FAM219A: variants seen among roughly 807,000 people sequenced by gnomAD.
The protein encoded by FAM219A is protein FAM219A.
A neutral mutation model predicts 23.4 loss-of-function variants in FAM219A; 7 were observed. The observed-to-expected ratio is 0.30, with a 90% CI of 0.17 to 0.56. The LOEUF (loss-of-function observed/expected upper bound fraction) is 0.56. Ranked by LOEUF, FAM219A falls within the 20% of genes least tolerant of loss-of-function variation. The pLI, the probability that FAM219A is intolerant of heterozygous loss-of-function variation, is 0.92. For synonymous variants in FAM219A, 93 were observed against 99.0 expected (o/e 0.94, Z 0.36); for missense variants, 166 against 246.9 (o/e 0.67, Z 2.20).
chr9:34,413,275 T>C (rs1398275801), intron 1 of FAM219A, among the ~76,000 whole-genome samples: 3 of 151,732 alleles, frequency 2.0e-5, no homozygotes, highest in Non-Finnish European at 4.4e-5. Flanking sequence ...AACTCATTAG[T>C]AAAAGGAAAA....
chr9:34,441,499 T>G (rs951247335), intron 1 of FAM219A, among the ~76,000 whole-genome samples: 2 of 152,154 alleles, frequency 1.3e-5, no homozygotes, highest in Non-Finnish European at 1.5e-5. Flanking sequence ...CAGGGCTATC[T>G]TGGGCTGATA....
intron 4 of FAM219A, 127 bp from the exon 5 acceptor site, chr9:34,401,847 C>T (rs1044741756): frequency 1.2e-5 from 12 of 1,020,784 alleles, no homozygotes; most frequent in South Asian, 3.0e-5. Flanking sequence ...AATCTCAATA[C>T]GAACTGTGCT....
At chr9:34,424,763 GGC>G (rs1822396817) in intron 1 of FAM219A, among the ~76,000 whole-genome samples, 1 of 152,188 alleles carries the variant, frequency 6.6e-6, no homozygotes, top group South Asian at 2.1e-4. Flanking sequence ...TCCAGAGGGA[GGC>G]TCAACCATGG....
Position 34,398,724 on chromosome 9 carries a change from C to T in FAM219A, c.*2240G>A, listed in dbSNP as rs911713834. Reference sequence around the variant, plus strand: ...GGTACCCATGTTCTAGAAAGGTGAGCCAAGGAGCCCCGGGGTGGTGGTGGT... The same window carrying T: ...GGTACCCATGTTCTAGAAAGGTGAGTCAAGGAGCCCCGGGGTGGTGGTGGT... On this transcript the variant is annotated 3_prime_UTR_variant, in exon 6 of 6. Transcript: ENST00000651358. 1 of 237,954 alleles carries T rather than the reference C, an allele frequency of 4.2e-6. No homozygotes were observed. The highest frequency in any genetic ancestry group is 8.7e-5 in the East Asian group (1 of 11,482). The allele number at this position is 237,954 out of a possible 1,614,324, so 14.7% of individuals were successfully genotyped here.
At chr9:34,441,943 C>CT (rs1823189702) in intron 1 of FAM219A, among the ~76,000 whole-genome samples, 5 of 152,070 alleles carry the variant, frequency 3.3e-5, no homozygotes, top group Non-Finnish European at 7.4e-5. Context: ...AGACTGGTTT[C>CT]GAACTCCTGG....
chr9:34,448,841 A>C (rs1215907428), intron 1 of FAM219A, among the ~76,000 whole-genome samples: 1 of 152,146 alleles, frequency 6.6e-6, no homozygotes, highest in African/African-American at 2.4e-5. Flanking sequence ...CTGGGGACTC[A>C]CAGGGGAAGG....
chr9:34,436,913 T>C (rs1364054462), intron 1 of FAM219A, among the ~76,000 whole-genome samples: 1 of 152,244 alleles, frequency 6.6e-6, no homozygotes, highest in Admixed American at 6.5e-5. Flanking sequence ...ATGCCTGGCA[T>C]GAACAACAAA....
chr9:34,424,778 C>T (rs1051129180), intron 1 of FAM219A, among the ~76,000 whole-genome samples: 1 of 152,184 alleles, frequency 6.6e-6, no homozygotes, highest in Non-Finnish European at 1.5e-5. Context: ...AACCATGGAA[C>T]CTATACTCTG....
chr9:34,401,590 A>G (rs1821432978), intron 5 of FAM219A, 76 bp downstream of exon 5: 1 of 1,523,756 alleles, frequency 6.6e-7, no homozygotes, highest in Non-Finnish European at 9.0e-7. Flanking sequence ...GTACTTGGGC[A>G]TTGGCCCCAG....
chr9:34,451,117 C>G (rs568871219), intron 1 of FAM219A, among the ~76,000 whole-genome samples: 1 of 152,190 alleles, frequency 6.6e-6, no homozygotes, highest in Non-Finnish European at 1.5e-5. Flanking sequence ...CTCCTGCGGG[C>G]ATGTGTCTAC....
rs1821353868 is a variant in FAM219A, at chr9:34,399,739, G to A, written c.*1225C>T. ...TTCTAGTTGAGGAAACTGAAGACGAGAGAAAGCAAGTGGCTTGTTGAAGAT... is the reference window on the plus strand; with the variant it reads ...TTCTAGTTGAGGAAACTGAAGACGAAAGAAAGCAAGTGGCTTGTTGAAGAT... On this transcript the variant is annotated 3_prime_UTR_variant, in exon 6 of 6. Coordinates refer to ENST00000651358, the MANE Select transcript of FAM219A (RefSeq NM_001184940.2). 6.6e-6 allele frequency: 1 copy of A among 152,230 alleles called. No homozygotes were observed. The highest frequency in any genetic ancestry group is 1.5e-5 in the Non-Finnish European group (1 of 68,042). 9.4% of individuals were successfully genotyped at this position (152,230 alleles called of 1,614,324 possible). A position where few individuals can be genotyped will look rare whatever the true frequency, so the allele number is the denominator to read the frequency against.
chr9:34,410,990 C>T (rs1821800060), intron 1 of FAM219A, among the ~76,000 whole-genome samples: 1 of 152,170 alleles, frequency 6.6e-6, no homozygotes, highest in African/African-American at 2.4e-5. Flanking sequence ...TCCATGTTAA[C>T]TGTAAAGATA....
chr9:34,429,152 C>G (rs1275349237), intron 1 of FAM219A, among the ~76,000 whole-genome samples: 1 of 152,182 alleles, frequency 6.6e-6, no homozygotes, highest in South Asian at 2.1e-4. Flanking sequence ...CTGGTTGGCA[C>G]TAGAAGAGGG....
chr9:34,398,245 G>T lies in FAM219A; in HGVS notation c.*2719C>A. On this transcript the variant is annotated 3_prime_UTR_variant, in exon 6 of 6. Transcript: ENST00000651358. ...TACACGATACACAACCAAGGATGAT[G>T]GTCAATACTGCAATGAAAATGTTAA... The T allele has an allele frequency of 6.5e-7, 1 of 1,544,916 alleles. No individual in the cohort carries two copies. The highest frequency in any genetic ancestry group is 1.2e-5 in the South Asian group (1 of 83,896).
At chr9:34,425,183 T>C (rs1822411741) in intron 1 of FAM219A, among the ~76,000 whole-genome samples, 1 of 152,152 alleles carries the variant, frequency 6.6e-6, no homozygotes, top group Non-Finnish European at 1.5e-5. Flanking sequence ...AATAGTTTTC[T>C]GTAAAAATAA....
intron 1 of FAM219A, among the ~76,000 whole-genome samples, chr9:34,436,878 T>C (rs1441794263): frequency 1.3e-5 from 2 of 152,212 alleles, no homozygotes; most frequent in African/African-American, 2.4e-5. Context: ...TGAGATGAAA[T>C]AATGTATATA....
intron 1 of FAM219A, among the ~76,000 whole-genome samples, chr9:34,446,556 C>T (rs1823381203): frequency 6.6e-6 from 1 of 152,234 alleles, no homozygotes; most frequent in Non-Finnish European, 1.5e-5. Flanking sequence ...GTGCCCTGGC[C>T]TCTGGCCCAG....
rs2131920906 is a variant in FAM219A, at chr9:34,401,192, C to G, written c.400-70G>C. 5 of 1,558,422 alleles carry G rather than the reference C, an allele frequency of 3.2e-6. No individual in the cohort carries two copies. In the East Asian group the frequency reaches 6.8e-5, roughly 21 times the overall value. On this transcript the variant is annotated intron_variant, in intron 5 of 5. Transcript: ENST00000651358. ...CACCACCCACAGCTCTGCGGCCACTCCAGGCCGTCTGCGCCCCAGTCCAGC... is the reference window on the plus strand; with the variant it reads ...CACCACCCACAGCTCTGCGGCCACTGCAGGCCGTCTGCGCCCCAGTCCAGC...
chr9:34,415,280 T>G (rs1821960661), intron 1 of FAM219A, among the ~76,000 whole-genome samples: 1 of 152,026 alleles, frequency 6.6e-6, no homozygotes. Flanking sequence ...CGGGCTAGAG[T>G]TTGGGAGCTC....
Sources: gnomAD v4.1 joint callset for allele counts (sites outside exome capture counted in the v4.1 genomes callset) on GRCh38, gnomAD v4.1.1 for gene constraint, MANE v1.5 for transcripts, NCBI Gene and HGNC (gene_info 2026-07-23, HGNC 2026-07-21) for gene names.